The following TTLL7 variants were observed in gnomAD, a reference collection of about 807,000 sequenced individuals.
TTLL7 encodes the protein tubulin polyglutamylase TTLL7.
In TTLL7, 53 loss-of-function variants were observed where a neutral mutation model predicts 120.2. The ratio of observed to expected loss-of-function variants is 0.44; its 90% CI spans 0.35 to 0.55. The LOEUF (loss-of-function observed/expected upper bound fraction) is 0.55. Among genes scored for constraint, TTLL7 ranks in the 20% least tolerant of loss-of-function variants. The pLI, the probability that TTLL7 is intolerant of heterozygous loss-of-function variation, is 0.00. For missense variants in TTLL7, 803 were observed against 1,054.7 expected, an observed-to-expected ratio of 0.76 and a Z score of 3.31; for synonymous variants, 353 against 351.7, an observed-to-expected ratio of 1.00 and a Z score of -0.04.
rs1653008116 is a variant in TTLL7, at chr1:83,867,694, G to A, written c.*2268C>T. 6.6e-6 allele frequency: 1 copy of A among 152,102 alleles called. No individual in the cohort carries two copies. Among genetic ancestry groups the A allele is most frequent in the East Asian group, 1.9e-4 (1 of 5,174 alleles). The allele number at this position is 152,102 out of a possible 1,614,324, so 9.4% of individuals were successfully genotyped here. A position where few individuals can be genotyped will look rare whatever the true frequency, so the allele number is the denominator to read the frequency against. On this transcript the variant is annotated 3_prime_UTR_variant, in exon 21 of 21. Coordinates refer to ENST00000260505, the MANE Select transcript of TTLL7 (RefSeq NM_024686.6). ...TTGTGATTTAAGATAATGCAAATGA[G>A]TGGCCGAGAAACTGGGCTGTTATCA...
At chr1:83,900,740 T>C (rs1414657194) in intron 18 of TTLL7, among the ~76,000 whole-genome samples, 1 of 151,992 alleles carries the variant, frequency 6.6e-6, no homozygotes, top group African/African-American at 2.4e-5. Flanking sequence ...CTGGAAGTGG[T>C]TTTGCTGACT....
At chr1:83,889,174 G>A (rs2100723050) in intron 19 of TTLL7, among the ~76,000 whole-genome samples, 2 of 152,074 alleles carry the variant, frequency 1.3e-5, no homozygotes, top group East Asian at 3.9e-4. Flanking sequence ...TTCTTCACAT[G>A]GCGGCAGCAA....
Position 83,866,217 on chromosome 1 carries a change from T to C in TTLL7, c.*3745A>G, listed in dbSNP as rs1267291966. ...ACACATTTAAGAATGAATCAATGTT[T>C]TTTAGAAAATCAAATAATGGCATTT... On this transcript the variant is annotated 3_prime_UTR_variant, in exon 21 of 21. Coordinates refer to ENST00000260505, the MANE Select transcript of TTLL7 (RefSeq NM_024686.6). 1 of 151,884 alleles carries C rather than the reference T, an allele frequency of 6.6e-6. No individual in the cohort carries two copies. The highest frequency in any genetic ancestry group is 2.4e-5 in the African/African-American group (1 of 41,450). The allele number at this position is 151,884 out of a possible 1,614,324, so 9.4% of individuals were successfully genotyped here.
chr1:83,992,791 C>CTTTTTTTT (rs367737528), intron 1 of TTLL7, among the ~76,000 whole-genome samples: 1 of 101,540 alleles, frequency 9.8e-6, no homozygotes, highest in Non-Finnish European at 1.9e-5. Flanking sequence ...TATTCAAGTT[C>CTTTTTTTT]TTTTTTTTTT....
intron 10 of TTLL7, among the ~76,000 whole-genome samples, chr1:83,924,830 G>A: frequency 6.6e-6 from 1 of 152,118 alleles, no homozygotes; most frequent in Non-Finnish European, 1.5e-5. Context: ...ACAGAAATTT[G>A]AAACTGTACC....
chr1:83,963,283 T>C (rs1156837589), intron 1 of TTLL7, among the ~76,000 whole-genome samples: 1 of 152,082 alleles, frequency 6.6e-6, no homozygotes, highest in African/African-American at 2.4e-5. Context: ...TCAGGCTCAG[T>C]ACTCATTTTC....
chr1:83,933,604 T>G lies in TTLL7; in HGVS notation c.1047+4A>C. 1 of 1,609,218 alleles carries G rather than the reference T, an allele frequency of 6.2e-7. No individual in the cohort carries two copies. The highest frequency in any genetic ancestry group is 8.5e-7 in the Non-Finnish European group (1 of 1,178,452). ...CTCTTCTTTTTTCTTAAAGAATGCC[T>G]TACCTCCAGAAGCCATGGCTTTAGT... On this transcript the variant is annotated splice_donor_region_variant and intron_variant, in intron 9 of 20. Coordinates refer to ENST00000260505, the MANE Select transcript of TTLL7 (RefSeq NM_024686.6).
intron 6 of TTLL7, among the ~76,000 whole-genome samples, chr1:83,944,921 T>C (rs1178010532): frequency 3.9e-5 from 6 of 152,086 alleles, no homozygotes; most frequent in Non-Finnish European, 7.4e-5. Flanking sequence ...TGAAACTAAG[T>C]TGGTAGTAAT....
At chr1:83,909,269 C>CCT (rs1174179240) in intron 15 of TTLL7, among the ~76,000 whole-genome samples, 1 of 99,296 alleles carries the variant, frequency 1.0e-5, no homozygotes, top group Non-Finnish European at 1.9e-5. Flanking sequence ...TTTTTTTTTC[C>CCT]TTTTTTTTTT....
At chr1:83,884,910 T>C (rs1055689980) in intron 19 of TTLL7, among the ~76,000 whole-genome samples, 62 of 152,022 alleles carry the variant, frequency 4.1e-4, no homozygotes, top group Admixed American at 9.2e-4. Context: ...GGTTTTTTAA[T>C]TGGCAAAGGA....
Position 83,929,410 on chromosome 1 carries a change from T to G in TTLL7, c.1048-180A>C, listed in dbSNP as rs571531907. On this transcript the variant is annotated intron_variant, in intron 9 of 20. Transcript: ENST00000260505. Reference sequence around the variant, plus strand: ...TTCTGCATCACCCTAGGTCAACAAATTGCAAGGGATTGACTATTAGCACCA... The same window carrying G: ...TTCTGCATCACCCTAGGTCAACAAAGTGCAAGGGATTGACTATTAGCACCA... Among the ~76,000 whole-genome samples the G allele has an allele frequency of 7.9e-5, 12 of 152,234 alleles. No homozygotes were observed. In the South Asian group the frequency reaches 2.3e-3, roughly 29 times the overall value.
At chr1:83,983,787 A>C (rs1257634188) in intron 1 of TTLL7, 1 of 152,174 alleles carries the variant, frequency 6.6e-6, no homozygotes, top group Non-Finnish European at 1.5e-5. Context: ...AAAACAAATA[A>C]TTTTGTTAAA....
intron 1 of TTLL7, among the ~76,000 whole-genome samples, chr1:83,993,912 C>T (rs1311014950): frequency 6.6e-6 from 1 of 152,194 alleles, no homozygotes. Context: ...GTGGAGAATA[C>T]TCAAGCTTAT....
At chr1:83,877,455 A>G (rs2100699952) in intron 20 of TTLL7, among the ~76,000 whole-genome samples, 1 of 152,148 alleles carries the variant, frequency 6.6e-6, no homozygotes, top group East Asian at 1.9e-4. Flanking sequence ...TTGGCCAGTG[A>G]TGCCATCTAC....
intron 20 of TTLL7, 23 bp downstream of exon 20, chr1:83,882,940 G>C: frequency 6.2e-7 from 1 of 1,605,182 alleles, no homozygotes; most frequent in Non-Finnish European, 8.5e-7. Context: ...AACTCTCAAG[G>C]GTTAGAGAAT....
In TTLL7 at chr1:83,911,426, AGTT is replaced by A. The variant is rs1571157279; in HGVS notation, c.1588-66_1588-64del. On this transcript the variant is annotated intron_variant, in intron 14 of 20. Coordinates refer to ENST00000260505, the MANE Select transcript of TTLL7 (RefSeq NM_024686.6). ...TTAAAAAAGGTTTATTGATATGATT[AGTT>A]ACTATTTTTAATTTCCCCCTATGCT... is the stretch of plus-strand genomic sequence containing the variant. 8 of 1,336,100 alleles carry A rather than the reference AGTT, an allele frequency of 6.0e-6. No individual in the cohort carries two copies. In the East Asian group the frequency reaches 1.9e-4, roughly 32 times the overall value. The allele number at this position is 1,336,100 out of a possible 1,614,324, so 82.8% of individuals were successfully genotyped here.
chr1:83,884,747 T>G (rs1654837201), intron 19 of TTLL7, among the ~76,000 whole-genome samples: 1 of 139,290 alleles, frequency 7.2e-6, no homozygotes, highest in Non-Finnish European at 1.6e-5. Context: ...GGGGGAGGGA[T>G]AGCATTGGGA....
intron 7 of TTLL7, 114 bp from the exon 8 acceptor site, chr1:83,938,130 T>C (rs923099295): frequency 9.5e-6 from 8 of 841,894 alleles, no homozygotes; most frequent in South Asian, 1.7e-5. Context: ...TTAAACTACA[T>C]AGATGAACAA....
At chr1:83,978,283 T>C (rs1261465366) in intron 1 of TTLL7, among the ~76,000 whole-genome samples, 3 of 152,182 alleles carry the variant, frequency 2.0e-5, no homozygotes, top group Non-Finnish European at 4.4e-5. Flanking sequence ...TATGAACTGA[T>C]GAAGCTTTTC....
Sources: allele counts gnomAD v4.1 joint callset (sites outside exome capture counted in the v4.1 genomes callset), GRCh38; gene constraint gnomAD v4.1.1; transcripts MANE v1.5; gene names NCBI Gene and HGNC (gene_info 2026-07-23, HGNC 2026-07-21).